PCDHGA11: variants seen among roughly 807,000 people sequenced by gnomAD.
PCDHGA11 encodes protocadherin gamma subfamily A, 11, also known as protocadherin gamma-A11.
A neutral mutation model predicts 60.4 loss-of-function variants in PCDHGA11; 39 were observed. That is an observed-to-expected ratio of 0.65 (90% CI 0.50 to 0.84). The LOEUF (loss-of-function observed/expected upper bound fraction) is 0.84. Among genes scored for constraint, PCDHGA11 ranks in the 40% least tolerant of loss-of-function variants. The pLI, the probability that PCDHGA11 is intolerant of heterozygous loss-of-function variation, is 0.00. For missense variants in PCDHGA11, 1,165 were observed against 1,197.7 expected, an observed-to-expected ratio of 0.97 and a Z score of 0.40; for synonymous variants, 533 against 510.3, an observed-to-expected ratio of 1.04 and a Z score of -0.60.
intron 1 of PCDHGA11, among the ~76,000 whole-genome samples, chr5:141,455,997 A>C (rs1373055623): frequency 1.3e-5 from 2 of 151,626 alleles, no homozygotes. Context: ...TCTCGGGTTC[A>C]TGCCATTCTC....
chr5:141,477,223 T>C lies in PCDHGA11; in HGVS notation c.2434-17584T>C. The C allele has an allele frequency of 6.2e-7, 1 of 1,614,198 alleles. No homozygotes were observed. On this transcript the variant is annotated intron_variant, in intron 1 of 3. Coordinates refer to ENST00000398587, the MANE Select transcript of PCDHGA11 (RefSeq NM_018914.3). This position sits in a 1 kb window ranked among gnomAD's most constrained non-coding sequence, Gnocchi z 4.9. ...TACCCGAGGATGCCCCTCTGGGGAC[T>C]GTCATCGCTTTGCTCAGTGTGACTG... is the stretch of plus-strand genomic sequence containing the variant.
In PCDHGA11 at chr5:141,486,805, C is replaced by A; in HGVS notation, c.2434-8002C>A. On this transcript the variant is annotated intron_variant, in intron 1 of 3. Transcript: ENST00000398587. The surrounding 1 kb of genome is among the most constrained non-coding windows in gnomAD (Gnocchi z 5.0). ...AGGCCCGGGATCGGGGCAACCCACC[C>A]CTTAGCAGCACTGTAACAGTTCGTC... 1.2e-6 allele frequency: 2 copies of A among 1,614,242 alleles called. No homozygotes were observed. Among genetic ancestry groups the A allele is most frequent in the Admixed American group, 1.7e-5 (1 of 60,034 alleles).
In PCDHGA11 at chr5:141,482,843, G is replaced by T. The variant is rs1005014887; in HGVS notation, c.2434-11964G>T. On this transcript the variant is annotated intron_variant, in intron 1 of 3. Transcript: ENST00000398587. ...TCCTAGCACTTTGGGAGGCCAAGGT[G>T]GGCAGATCACTTGAGGTCAGGAGTT... Among the ~76,000 whole-genome samples the T allele has an allele frequency of 4.3e-5, 6 of 140,152 alleles. No homozygotes were observed. The South Asian group carries it at 8.6e-4, about 20-fold the overall frequency. 91.9% of individuals were successfully genotyped at this position (140,152 alleles called of 152,430 possible).
chr5:141,487,377 C>G lies in PCDHGA11; in HGVS notation c.2434-7430C>G, dbSNP rs758216933. On this transcript the variant is annotated intron_variant, in intron 1 of 3. Coordinates refer to ENST00000398587, the MANE Select transcript of PCDHGA11 (RefSeq NM_018914.3). This position sits in a 1 kb window ranked among gnomAD's most constrained non-coding sequence, Gnocchi z 5.0. ...CCTGCTGGCACCTGTGCCTGTCTCA[C>G]CAGATCTCGAAGGAGGGAGGGGCTT... 6.2e-7 allele frequency: 1 copy of G among 1,614,190 alleles called. No individual in the cohort carries two copies. The highest frequency in any genetic ancestry group is 1.1e-5 in the South Asian group (1 of 91,086).
chr5:141,509,060 T>G (rs2099874519), intron 3 of PCDHGA11, among the ~76,000 whole-genome samples: 1 of 152,216 alleles, frequency 6.6e-6, no homozygotes, highest in Middle Eastern at 3.4e-3. Flanking sequence ...CAGAAAGCTC[T>G]CAGCTCCGGG....
At position 141,431,641 on chromosome 5, in the gene PCDHGA11, A is replaced by G. The variant is rs772686680; in HGVS notation, c.2433+7981A>G. ...ACAAGGCGGCCCAAGTTTTCAAACT[A>G]GATTGTAATTCAGGGACAATATCAA... is the stretch of plus-strand genomic sequence containing the variant. On this transcript the variant is annotated intron_variant, in intron 1 of 3. Coordinates refer to ENST00000398587, the MANE Select transcript of PCDHGA11 (RefSeq NM_018914.3). This position sits in a 1 kb window ranked among gnomAD's most constrained non-coding sequence, Gnocchi z 4.8. The G allele has an allele frequency of 6.2e-7, 1 of 1,614,270 alleles. No individual in the cohort carries two copies. Among genetic ancestry groups the G allele is most frequent in the South Asian group, 1.1e-5 (1 of 91,092 alleles).
Position 141,431,948 on chromosome 5 carries a change from T to G in PCDHGA11, c.2433+8288T>G. ...AAATCTGCCCTTTAAATTAGAAAAA[T>G]CTTACGGAAATTACTATAGTTTAGT... is the stretch of plus-strand genomic sequence containing the variant. On this transcript the variant is annotated intron_variant, in intron 1 of 3. Transcript: ENST00000398587. The surrounding 1 kb of genome is among the most constrained non-coding windows in gnomAD (Gnocchi z 4.8). The G allele has an allele frequency of 6.2e-7, 1 of 1,614,076 alleles. No homozygotes were observed. The highest frequency in any genetic ancestry group is 8.5e-7 in the Non-Finnish European group (1 of 1,180,006).
chr5:141,510,919 C>T (rs748157000), intron 3 of PCDHGA11, 28 bp from the exon 4 acceptor site: 1 of 1,613,894 alleles, frequency 6.2e-7, no homozygotes, highest in East Asian at 2.2e-5. Context: ...AAGTTTAGCT[C>T]CCACCTGATC....
rs369794418 is a variant in PCDHGA11, at chr5:141,497,143, G to A, written c.2492+2278G>A. Among the ~76,000 whole-genome samples the A allele has an allele frequency of 7.3e-5, 11 of 150,108 alleles. No individual in the cohort carries two copies. In the East Asian group the frequency reaches 1.6e-3, roughly 21 times the overall value. On this transcript the variant is annotated intron_variant, in intron 2 of 3. Coordinates refer to ENST00000398587, the MANE Select transcript of PCDHGA11 (RefSeq NM_018914.3). ...AGAGGTTGCAGTGAGCTGAGATCAC[G>A]AAAAAAAAATAATCTAGCCACAAAT...
At chr5:141,484,873 G>A (rs754469397) in intron 1 of PCDHGA11, 50 of 322,006 alleles carry the variant, frequency 1.6e-4, no homozygotes, top group Non-Finnish European at 2.5e-4. Flanking sequence ...GAGCGTGGAG[G>A]ATAGGGTGGG....
chr5:141,422,078 A>G lies in PCDHGA11; in HGVS notation c.851A>G (p.Asn284Ser), dbSNP rs1442545718. 11 of 1,612,298 alleles carry G rather than the reference A, an allele frequency of 6.8e-6. No homozygotes were observed. In the South Asian group the frequency reaches 8.8e-5, roughly 13 times the overall value. Reference protein sequence around the residue: ...INGEVMYSFRNMESKASEIFQ... With the variant: ...INGEVMYSFRSMESKASEIFQ... Reference sequence around the variant, plus strand: ...GGGGAAGTAATGTATTCATTTCGGAACATGGAAAGCAAGGCTTCTGAAATA... The same window carrying G: ...GGGGAAGTAATGTATTCATTTCGGAGCATGGAAAGCAAGGCTTCTGAAATA... Residue 284 changes from asparagine to serine, a missense_variant, in exon 1 of 4, where the codon AAC (asparagine) becomes AGC (serine). By Grantham distance (46) the Asn-to-Ser change is conservative. Coordinates refer to ENST00000398587, the MANE Select transcript of PCDHGA11 (RefSeq NM_018914.3).
rs2099605485 is a variant in PCDHGA11 at position 141,485,030 on chromosome 5, G to A, written c.2434-9777G>A. 1 of 674,340 alleles carries A rather than the reference G, an allele frequency of 1.5e-6. No individual in the cohort carries two copies. Among genetic ancestry groups the A allele is most frequent in the East Asian group, 2.6e-5 (1 of 38,292 alleles). The allele number at this position is 674,340 out of a possible 1,614,324, so 41.8% of individuals were successfully genotyped here. A position where few individuals can be genotyped will look rare whatever the true frequency, so the allele number is the denominator to read the frequency against. ...CTACCCCGCCACCAGCAAAAACGGC[G>A]CGTAACCCTTGCGGCGCCGGCCGAA... On this transcript the variant is annotated intron_variant, in intron 1 of 3. Transcript: ENST00000398587. The surrounding 1 kb of genome is among the most constrained non-coding windows in gnomAD (Gnocchi z 5.7).
At position 141,432,225 on chromosome 5, in the gene PCDHGA11, A is replaced by T; in HGVS notation, c.2433+8565A>T. On this transcript the variant is annotated intron_variant, in intron 1 of 3. Transcript: ENST00000398587. This position sits in a 1 kb window ranked among gnomAD's most constrained non-coding sequence, Gnocchi z 6.0. ...TGTGAAGAGAACGCCCAGATCACTT[A>T]TTCCCTGGCTGAGAACACCATCCAA... The T allele has an allele frequency of 1.2e-6, 2 of 1,614,206 alleles. No individual in the cohort carries two copies. Among genetic ancestry groups the T allele is most frequent in the South Asian group, 2.2e-5 (2 of 91,080 alleles).
rs1429860093 is a variant in PCDHGA11, at chr5:141,487,828, C to A, written c.2434-6979C>A. 3 of 1,184,120 alleles carry A rather than the reference C, an allele frequency of 2.5e-6. No individual in the cohort carries two copies. The highest frequency in any genetic ancestry group is 1.5e-5 in the African/African-American group (1 of 64,540). The allele number at this position is 1,184,120 out of a possible 1,614,324, so 73.4% of individuals were successfully genotyped here. A position where few individuals can be genotyped will look rare whatever the true frequency, so the allele number is the denominator to read the frequency against. ...AGTTTAGCATTGGGGGCGGGTCATG[C>A]CTATATCTGAGTAAGAAATGAAAGT... On this transcript the variant is annotated intron_variant, in intron 1 of 3. Coordinates refer to ENST00000398587, the MANE Select transcript of PCDHGA11 (RefSeq NM_018914.3). The surrounding 1 kb of genome is among the most constrained non-coding windows in gnomAD (Gnocchi z 5.0).
At chr5:141,451,077 C>T (rs1422196268) in intron 1 of PCDHGA11, among the ~76,000 whole-genome samples, 1 of 152,098 alleles carries the variant, frequency 6.6e-6, no homozygotes, top group Admixed American at 6.6e-5. Context: ...ATCCACCCAC[C>T]TTGACCTCCC....
At chr5:141,470,001 C>T (rs753591964) in intron 1 of PCDHGA11, among the ~76,000 whole-genome samples, 6 of 152,006 alleles carry the variant, frequency 3.9e-5, no homozygotes, top group Admixed American at 1.3e-4. Context: ...CGTCGTGGCA[C>T]GCCTGTAATC....
chr5:141,460,912 G>GTGTA (rs145509489), intron 1 of PCDHGA11, among the ~76,000 whole-genome samples: 34,285 of 149,232 alleles, frequency 0.23, 4,672 homozygotes, highest in African/African-American at 0.39. Flanking sequence ...ATTCCATGGT[G>GTGTA]TATATATATA....
At chr5:141,444,637 G>C (rs2098443357) in intron 1 of PCDHGA11, among the ~76,000 whole-genome samples, 1 of 152,236 alleles carries the variant, frequency 6.6e-6, no homozygotes, top group Non-Finnish European at 1.5e-5. Context: ...CCAGTTCATT[G>C]AGGTAGGGGT....
At chr5:141,482,555 T>C (rs1419129474) in intron 1 of PCDHGA11, among the ~76,000 whole-genome samples, 1 of 116,392 alleles carries the variant, frequency 8.6e-6, no homozygotes, top group African/African-American at 3.8e-5. Context: ...AAAAAGATAA[T>C]GGAGATCTGC....
Sources: gnomAD v4.1 joint callset for allele counts (sites outside exome capture counted in the v4.1 genomes callset) on GRCh38, gnomAD v4.1.1 for gene constraint, Gnocchi (gnomAD v3.1) non-coding constraint, MANE v1.5 for transcripts, NCBI Gene and HGNC (gene_info 2026-07-23, HGNC 2026-07-21) for gene names.